Variants in GALNT9 observed in about 807,000 individuals in gnomAD.
GALNT9 encodes the protein polypeptide N-acetylgalactosaminyltransferase 9, also known as GalNAc transferase 9.
GALNT9 carries 47 observed loss-of-function variants against 63.1 expected under a neutral mutation model. The ratio of observed to expected loss-of-function variants is 0.75; its 90% CI spans 0.59 to 0.95. The LOEUF (loss-of-function observed/expected upper bound fraction) is 0.95, where lower values mean the gene tolerates loss of function less well. GALNT9 is among the 40% of genes least tolerant of loss of function. GALNT9 has a pLI of 0.00. For synonymous variants in GALNT9, 396 were observed against 365.7 expected (o/e 1.08, Z -0.94); for missense variants, 829 against 874.8 (o/e 0.95, Z 0.66).
intron 6 of GALNT9, among the ~76,000 whole-genome samples, chr12:132,210,572 G>A (rs115326315): frequency 0.035 from 5,290 of 152,188 alleles, 284 homozygotes; most frequent in African/African-American, 0.12. Context: ...AGCTCTGAGC[G>A]GAGATGGGTG....
At chr12:132,297,216 C>A (rs1350519339) in intron 1 of GALNT9, among the ~76,000 whole-genome samples, 1 of 142,328 alleles carries the variant, frequency 7.0e-6, no homozygotes, top group Non-Finnish European at 1.6e-5. Context: ...CTGAGATGAC[C>A]AAGCCACTTC....
intron 1 of GALNT9, among the ~76,000 whole-genome samples, chr12:132,306,949 G>A (rs1427610586): frequency 6.6e-6 from 1 of 152,146 alleles, no homozygotes; most frequent in African/African-American, 2.4e-5. Flanking sequence ...GGGAGGAGAC[G>A]GCTGTCTGGG....
rs1183662545 is a variant in GALNT9, at chr12:132,252,742, G to T, written c.960-4715C>A. Among the ~76,000 whole-genome samples the T allele has an allele frequency of 6.6e-6, 1 of 152,186 alleles. No individual in the cohort carries two copies. Among genetic ancestry groups the T allele is most frequent in the Non-Finnish European group, 1.5e-5 (1 of 68,030 alleles). Reference sequence around the variant, plus strand: ...AAAAATACCAAAAAAAATTAGCCAGGCGTGCTGGCACATGCCTGTAATCCC... The same window carrying T: ...AAAAATACCAAAAAAAATTAGCCAGTCGTGCTGGCACATGCCTGTAATCCC... On this transcript the variant is annotated intron_variant, in intron 5 of 10. Transcript: ENST00000328957. The surrounding 1 kb of genome is among the most constrained non-coding windows in gnomAD (Gnocchi z 5.2).
At position 132,208,049 on chromosome 12, in the gene GALNT9, G is replaced by A. The variant is rs932165787; in HGVS notation, c.1078-4359C>T. Among the ~76,000 whole-genome samples the A allele has an allele frequency of 2.0e-5, 3 of 152,218 alleles. No individual in the cohort carries two copies. In the East Asian group the frequency reaches 5.8e-4, roughly 29 times the overall value. Reference sequence around the variant, plus strand: ...GAAGCCAGGGACCAGTATATCATCTGCCTTGTGCCGCGCTCCCCGGGAGAT... The same window carrying A: ...GAAGCCAGGGACCAGTATATCATCTACCTTGTGCCGCGCTCCCCGGGAGAT... On this transcript the variant is annotated intron_variant, in intron 6 of 10. Coordinates refer to ENST00000328957, the MANE Select transcript of GALNT9 (RefSeq NM_001122636.2).
intron 6 of GALNT9, among the ~76,000 whole-genome samples, chr12:132,211,840 C>T (rs1347468941): frequency 1.3e-5 from 2 of 152,242 alleles, no homozygotes; most frequent in African/African-American, 4.8e-5. Flanking sequence ...TGGTCCCCAA[C>T]AGCAGGCCAC....
intron 2 of GALNT9, chr12:132,284,508 T>C (rs1316319653): frequency 6.6e-6 from 1 of 152,228 alleles, no homozygotes; most frequent in East Asian, 1.9e-4. Flanking sequence ...TGAAAGGGAA[T>C]CTTCATTTCA....
At chr12:132,328,105 G>C (rs1265186868) in intron 1 of GALNT9, among the ~76,000 whole-genome samples, 1 of 152,210 alleles carries the variant, frequency 6.6e-6, no homozygotes, top group African/African-American at 2.4e-5. Context: ...TGGCGCCCCG[G>C]TGCAGAGTGG....
In GALNT9 at chr12:132,225,020, C is replaced by A. The variant is rs1359915736; in HGVS notation, c.1078-21330G>T. Among the ~76,000 whole-genome samples, 338 of 129,202 alleles carry A rather than the reference C, an allele frequency of 2.6e-3. 1 individual carries two copies. The highest frequency in any genetic ancestry group is 7.7e-3 in the African/African-American group (253 of 32,658). The allele number at this position is 129,202 out of a possible 152,430, so 84.8% of individuals were successfully genotyped here. A position where few individuals can be genotyped will look rare whatever the true frequency, so the allele number is the denominator to read the frequency against. ...CCTATACACTATACGTACACCCCCC[C>A]CACACACCACATAACCCACACCCCA... On this transcript the variant is annotated intron_variant, in intron 6 of 10. Coordinates refer to ENST00000328957, the MANE Select transcript of GALNT9 (RefSeq NM_001122636.2).
At chr12:132,240,764 T>G (rs1565995893) in intron 6 of GALNT9, 1 of 455,204 alleles carries the variant, frequency 2.2e-6, no homozygotes, top group Non-Finnish European at 4.4e-6. Context: ...CCAGCAGAAT[T>G]GGAATGTGCA....
At chr12:132,253,932 T>C (rs1050416088) in intron 5 of GALNT9, among the ~76,000 whole-genome samples, 5 of 152,184 alleles carry the variant, frequency 3.3e-5, no homozygotes, top group African/African-American at 1.2e-4. Flanking sequence ...CATGGCCGTG[T>C]GTCAATAAAG....
intron 1 of GALNT9, among the ~76,000 whole-genome samples, chr12:132,323,896 G>A (rs1868915432): frequency 6.6e-6 from 1 of 151,772 alleles, no homozygotes; most frequent in African/African-American, 2.4e-5. Context: ...GCCGGGGCCG[G>A]GACTGAAGCC....
Position 132,203,637 on chromosome 12 carries a change from G to A in GALNT9, c.1131C>T (p.His377=). The change falls in exon 7 of 11, where the codon CAC becomes CAT. Residue 377 remains histidine (H), a synonymous_variant. Coordinates refer to ENST00000328957, the MANE Select transcript of GALNT9 (RefSeq NM_001122636.2). ...MEVLPCSRVA[H]IERTRKPYNN... ...TGTAGGGCTTCCTGGTGCGCTCGAT[G>A]TGGGCCACGCGGGAGCAGGGCAGCA... The A allele has an allele frequency of 6.2e-7, 1 of 1,613,888 alleles. No homozygotes were observed.
Position 132,224,803 on chromosome 12 carries a change from CCA to C in GALNT9, c.1078-21115_1078-21114del, listed in dbSNP as rs1323781807. ...CACACATACATCTCATACACACACC[CCA>C]CACACATACACACCCTCCCACATAC... On this transcript the variant is annotated intron_variant, in intron 6 of 10. Transcript: ENST00000328957. 2.7e-5 allele frequency among the ~76,000 whole-genome samples: 4 copies of C among 148,170 alleles called. No individual in the cohort carries two copies. In the South Asian group the frequency reaches 8.9e-4, roughly 33 times the overall value.
chr12:132,242,017 G>A (rs2136902885), intron 6 of GALNT9, among the ~76,000 whole-genome samples: 31 of 3,908 alleles, frequency 7.9e-3, no homozygotes, highest in Non-Finnish European at 0.01. Flanking sequence ...TTACACACAC[G>A]CCACACCCCC....
At chr12:132,311,307 G>T (rs1261256168) in intron 1 of GALNT9, among the ~76,000 whole-genome samples, 1 of 152,184 alleles carries the variant, frequency 6.6e-6, no homozygotes, top group East Asian at 1.9e-4. Flanking sequence ...AGGGGTGAGG[G>T]TGAAGCACTG....
chr12:132,223,185 A>C (rs1274905345), intron 6 of GALNT9, among the ~76,000 whole-genome samples: 3 of 40,696 alleles, frequency 7.4e-5, no homozygotes, highest in Non-Finnish European at 1.5e-4. Flanking sequence ...ACCGCACACA[A>C]CCCACACCCC....
Position 132,260,936 on chromosome 12 carries a change from T to C in GALNT9, c.761+12A>G, listed in dbSNP as rs1879354118. On this transcript the variant is annotated intron_variant, in intron 4 of 10. Coordinates refer to ENST00000328957, the MANE Select transcript of GALNT9 (RefSeq NM_001122636.2). The stretch of plus-strand genomic sequence containing the variant: ...CGCTGAGACTGGCTGTCCAGCCTGT[T>C]CCGGCCCTTACCAGCCCGTGTTGAA... 1.3e-6 allele frequency: 2 copies of C among 1,531,458 alleles called. No homozygotes were observed. The highest frequency in any genetic ancestry group is 1.8e-6 in the Non-Finnish European group (2 of 1,139,228). The allele number at this position is 1,531,458 out of a possible 1,614,324, so 94.9% of individuals were successfully genotyped here.
intron 1 of GALNT9, among the ~76,000 whole-genome samples, chr12:132,308,092 C>T (rs1024843910): frequency 1.3e-5 from 2 of 152,002 alleles, no homozygotes; most frequent in South Asian, 2.1e-4. Context: ...GAGGGAGATT[C>T]GACACAGACA....
In GALNT9 at chr12:132,327,263, G is replaced by A. The variant is rs377222020; in HGVS notation, c.238+1703C>T. Among the ~76,000 whole-genome samples, 1 of 151,408 alleles carries A rather than the reference G, an allele frequency of 6.6e-6. No individual in the cohort carries two copies. The highest frequency in any genetic ancestry group is 2.4e-5 in the African/African-American group (1 of 41,138). On this transcript the variant is annotated intron_variant, in intron 1 of 10. Coordinates refer to ENST00000328957, the MANE Select transcript of GALNT9 (RefSeq NM_001122636.2). The surrounding 1 kb of genome is among the most constrained non-coding windows in gnomAD (Gnocchi z 4.3). ...AGGGGACAGAGGACAGGAGGAAGCGGGATGGGAGAAGGCAGTGGGGGCGGT... is the reference window on the plus strand; with the variant it reads ...AGGGGACAGAGGACAGGAGGAAGCGAGATGGGAGAAGGCAGTGGGGGCGGT...
Sources: allele counts gnomAD v4.1 joint callset (sites outside exome capture counted in the v4.1 genomes callset), GRCh38; gene constraint gnomAD v4.1.1; non-coding constraint Gnocchi (gnomAD v3.1); transcripts MANE v1.5; gene names NCBI Gene and HGNC (gene_info 2026-07-23, HGNC 2026-07-21).